Variants in KCNC1 observed in about 807,000 individuals in gnomAD.
The protein encoded by KCNC1 is voltage-gated potassium channel KCNC1.
In KCNC1, 8 loss-of-function variants were observed where a neutral mutation model predicts 43.4. The ratio of observed to expected loss-of-function variants is 0.18; its 90% CI spans 0.11 to 0.33. The LOEUF (loss-of-function observed/expected upper bound fraction) is 0.33, where lower values mean the gene tolerates loss of function less well. KCNC1 is among the 10% of genes least tolerant of loss of function. The pLI, the probability that KCNC1 is intolerant of heterozygous loss-of-function variation, is 1.00. For synonymous variants in KCNC1, 361 were observed against 360.5 expected (o/e 1.00, Z -0.01); for missense variants, 420 against 836.0 (o/e 0.50, Z 6.14).
At chr11:17,770,014 AGAATGTGGTTTG>A (rs1849205222) in intron 1 of KCNC1, among the ~76,000 whole-genome samples, 1 of 152,242 alleles carries the variant, frequency 6.6e-6, no homozygotes, top group Non-Finnish European at 1.5e-5. Flanking sequence ...CCCTCAACAC[AGAATGTGGTTTG>A]GAAGGTCCAC....
intron 1 of KCNC1, among the ~76,000 whole-genome samples, chr11:17,749,452 TG>T (rs1387808816): frequency 2.6e-5 from 4 of 152,236 alleles, no homozygotes; most frequent in Admixed American, 2.6e-4. Flanking sequence ...GGTGGCTCCC[TG>T]GGGACCTTCT....
chr11:17,762,519 C>T (rs548761876), intron 1 of KCNC1, among the ~76,000 whole-genome samples: 2 of 152,318 alleles, frequency 1.3e-5, no homozygotes, highest in South Asian at 2.1e-4. Context: ...CCACAGTCAC[C>T]TGGTTGAGTC....
chr11:17,756,567 A>G (rs1014093632), intron 1 of KCNC1, among the ~76,000 whole-genome samples: 1 of 150,678 alleles, frequency 6.6e-6, no homozygotes, highest in Non-Finnish European at 1.5e-5. Flanking sequence ...ACGCATGTAC[A>G]TTGGGAGTCA....
chr11:17,770,616 G>A (rs909683576), intron 1 of KCNC1, among the ~76,000 whole-genome samples: 2 of 152,190 alleles, frequency 1.3e-5, no homozygotes, highest in Non-Finnish European at 2.9e-5. Flanking sequence ...AGCCTAGGGG[G>A]TCATTAGATG....
chr11:17,750,830 T>C (rs1399823823), intron 1 of KCNC1, among the ~76,000 whole-genome samples: 1 of 152,176 alleles, frequency 6.6e-6, no homozygotes, highest in Non-Finnish European at 1.5e-5. Context: ...CGACACCCTC[T>C]ACCTCCTGGA....
chr11:17,775,191 C>A (rs879485086), intron 2 of KCNC1: 6 of 985,538 alleles, frequency 6.1e-6, no homozygotes, highest in Non-Finnish European at 7.2e-6. Flanking sequence ...CCAAGGCAGT[C>A]TAGTGGCCTC....
intron 1 of KCNC1, among the ~76,000 whole-genome samples, chr11:17,745,808 C>A (rs1325329285): frequency 1.3e-5 from 2 of 152,192 alleles, no homozygotes; most frequent in African/African-American, 4.8e-5. Context: ...GGTCTATACT[C>A]AGACATCATC....
At chr11:17,774,398 A>T in intron 2 of KCNC1, 2 of 985,460 alleles carry the variant, frequency 2.0e-6, no homozygotes, top group Non-Finnish European at 2.4e-6. Context: ...ATCTTTCAGG[A>T]GTGTTGCCCC....
rs1337624125 is a variant in KCNC1 at position 17,739,024 on chromosome 11, T to C, written c.570+2452T>C. Reference sequence around the variant, plus strand: ...GAGCGGGATTAGAACCCCAGCTTCCTGCCGCCCGCCCGGCTGGCCTAGCTG... The same window carrying C: ...GAGCGGGATTAGAACCCCAGCTTCCCGCCGCCCGCCCGGCTGGCCTAGCTG... On this transcript the variant is annotated intron_variant, in intron 1 of 3. Transcript: ENST00000265969. The surrounding 1 kb of genome is among the most constrained non-coding windows in gnomAD (Gnocchi z 4.2). Among the ~76,000 whole-genome samples, 1 of 152,230 alleles carries C rather than the reference T, an allele frequency of 6.6e-6. No homozygotes were observed. The highest frequency in any genetic ancestry group is 1.9e-4 in the East Asian group (1 of 5,194).
intron 1 of KCNC1, among the ~76,000 whole-genome samples, chr11:17,757,452 G>A (rs1849035135): frequency 6.6e-6 from 1 of 152,230 alleles, no homozygotes; most frequent in Admixed American, 6.5e-5. Flanking sequence ...GAGACAGGAG[G>A]TTGACTTACA....
At chr11:17,778,150 C>A (rs1401907275) in intron 2 of KCNC1, among the ~76,000 whole-genome samples, 2 of 152,250 alleles carry the variant, frequency 1.3e-5, no homozygotes, top group East Asian at 3.9e-4. Context: ...GCTTTGAGGG[C>A]AGAGAGTTTG....
intron 1 of KCNC1, among the ~76,000 whole-genome samples, chr11:17,748,150 C>T (rs1340260894): frequency 4.6e-5 from 7 of 152,318 alleles, no homozygotes; most frequent in African/African-American, 1.4e-4. Flanking sequence ...GGCAGGAGCC[C>T]AGGGCGCACT....
chr11:17,736,520 A>C lies in KCNC1; in HGVS notation c.518A>C (p.Gln173Pro). The C allele has an allele frequency of 6.3e-7, 1 of 1,586,080 alleles. No individual in the cohort carries two copies. Among genetic ancestry groups the C allele is most frequent in the Non-Finnish European group, 8.5e-7 (1 of 1,173,412 alleles). Residue 173 changes from glutamine (Q) to proline (P), a missense_variant, in exon 1 of 4, where the codon CAG becomes CCG. Physicochemically the swap from Gln to Pro is moderately conservative, Grantham distance 76 (BLOSUM62 -1). Transcript: ENST00000265969. The surrounding 1 kb of genome is among the most constrained non-coding windows in gnomAD (Gnocchi z 9.3). The part of the protein sequence containing the change: ...GRPGGFWRRW[Q>P]PRIWALFEDP... The stretch of plus-strand genomic sequence containing the variant: ...CCTGGCGGCTTTTGGCGCCGCTGGC[A>C]GCCGCGCATCTGGGCGCTCTTCGAG...
At chr11:17,747,454 G>A (rs900380393) in intron 1 of KCNC1, among the ~76,000 whole-genome samples, 1 of 152,212 alleles carries the variant, frequency 6.6e-6, no homozygotes, top group Non-Finnish European at 1.5e-5. Flanking sequence ...GTGCCAGTGT[G>A]GTAGGGCTGG....
chr11:17,749,230 A>G (rs1300335267), intron 1 of KCNC1, among the ~76,000 whole-genome samples: 1 of 152,246 alleles, frequency 6.6e-6, no homozygotes, highest in Non-Finnish European at 1.5e-5. Flanking sequence ...TGAGAAGGCA[A>G]TAAGTCACAG....
chr11:17,774,260 G>C (rs890098199), intron 2 of KCNC1: 7 of 985,494 alleles, frequency 7.1e-6, no homozygotes, highest in Non-Finnish European at 8.4e-6. Flanking sequence ...AGGGCTCTGG[G>C]CCTCTAGGAG....
At chr11:17,746,176 C>T (rs1214308539) in intron 1 of KCNC1, among the ~76,000 whole-genome samples, 1 of 152,184 alleles carries the variant, frequency 6.6e-6, no homozygotes, top group Non-Finnish European at 1.5e-5. Flanking sequence ...TCCCTCCATC[C>T]CCTGAGCCTG....
chr11:17,773,936 T>C lies in KCNC1; in HGVS notation c.1504+1338T>C, dbSNP rs1849258529. ...GCTAGCTCAGCCCCAGGTGGGGAAG[T>C]TTCCCCCTGGTTTGGGTGGCCTCCC... On this transcript the variant is annotated intron_variant, in intron 2 of 3. Transcript: ENST00000265969. This position sits in a 1 kb window ranked among gnomAD's most constrained non-coding sequence, Gnocchi z 4.1. 1.0e-6 allele frequency: 1 copy of C among 985,440 alleles called. No homozygotes were observed. The highest frequency in any genetic ancestry group is 1.1e-4 in the East Asian group (1 of 8,808). 61.0% of individuals were successfully genotyped at this position (985,440 alleles called of 1,614,324 possible). A position where few individuals can be genotyped will look rare whatever the true frequency, so the allele number is the denominator to read the frequency against.
intron 2 of KCNC1, 185 bp downstream of exon 2, chr11:17,772,783 C>G: frequency 3.4e-6 from 5 of 1,473,818 alleles, no homozygotes; most frequent in Middle Eastern, 5.1e-4. Context: ...CAGGCAAGAG[C>G]CTGCTAGAGG....
Sources: gnomAD v4.1 joint callset for allele counts (sites outside exome capture counted in the v4.1 genomes callset) on GRCh38, gnomAD v4.1.1 for gene constraint, Gnocchi (gnomAD v3.1) non-coding constraint, MANE v1.5 for transcripts, NCBI Gene and HGNC (gene_info 2026-07-23, HGNC 2026-07-21) for gene names.